The following AKT3 variants were observed in gnomAD, a reference collection of about 807,000 sequenced individuals.
AKT3 encodes RAC-gamma serine/threonine-protein kinase.
Under a neutral mutation model 65.3 loss-of-function variants are expected in AKT3, and 15 were observed. The ratio of observed to expected loss-of-function variants is 0.23; its 90% CI spans 0.15 to 0.35. The LOEUF (loss-of-function observed/expected upper bound fraction) is 0.35. Among genes scored for constraint, AKT3 ranks in the 10% least tolerant of loss-of-function variants. AKT3 has a pLI of 1.00. For missense variants in AKT3, 243 were observed against 576.5 expected, an observed-to-expected ratio of 0.42 and a Z score of 5.92; for synonymous variants, 206 against 183.8, an observed-to-expected ratio of 1.12 and a Z score of -0.98.
chr1:243,571,829 C>A (rs911471248), intron 9 of AKT3, among the ~76,000 whole-genome samples: 5 of 152,126 alleles, frequency 3.3e-5, no homozygotes, highest in Admixed American at 6.6e-5. Flanking sequence ...TAATCTTTAG[C>A]CCATTTTGGC....
chr1:243,770,557 T>C (rs568541921), intron 2 of AKT3, among the ~76,000 whole-genome samples: 2 of 152,170 alleles, frequency 1.3e-5, no homozygotes, highest in African/African-American at 4.8e-5. Flanking sequence ...GGCATGTATA[T>C]GTAAGCTCAA....
chr1:243,527,930 CACACACAGAG>C (rs1386493250), intron 12 of AKT3, among the ~76,000 whole-genome samples: 210 of 40,346 alleles, frequency 5.2e-3, no homozygotes, highest in African/African-American at 7.7e-3. Context: ...CACACACACA[CACACACAGAG>C]AGAGAGAGAG....
At chr1:243,692,030 T>C (rs538679927) in intron 3 of AKT3, among the ~76,000 whole-genome samples, 2 of 152,190 alleles carry the variant, frequency 1.3e-5, no homozygotes, top group African/African-American at 4.8e-5. Context: ...TGATCAACAG[T>C]ATAAAATGCA....
At chr1:243,719,542 G>C (rs1283037291) in intron 2 of AKT3, among the ~76,000 whole-genome samples, 1 of 152,168 alleles carries the variant, frequency 6.6e-6, no homozygotes, top group Non-Finnish European at 1.5e-5. Context: ...GAGTGTATCA[G>C]TGAAGGTAAT....
At chr1:243,551,938 A>AT (rs1461690208) in intron 11 of AKT3, among the ~76,000 whole-genome samples, 1 of 152,162 alleles carries the variant, frequency 6.6e-6, no homozygotes, top group Non-Finnish European at 1.5e-5. Context: ...GTGTACAATT[A>AT]TTTTTTGCCA....
Position 243,773,622 on chromosome 1 carries a change from C to T in AKT3, c.46+69503G>A, listed in dbSNP as rs549875502. ...CCTGGGCAACACAGTGAGACCCCAT[C>T]GCCCCCCACAAAAAAAAGTTTTATA... On this transcript the variant is annotated intron_variant, in intron 2 of 13. Coordinates refer to ENST00000673466, the MANE Select transcript of AKT3 (RefSeq NM_005465.7). Among the ~76,000 whole-genome samples the T allele has an allele frequency of 3.2e-4, 48 of 151,798 alleles. 1 individual carries two copies. Among genetic ancestry groups the T allele is most frequent in the East Asian group, 1.5e-3 (8 of 5,174 alleles).
At chr1:243,534,733 A>G (rs1671779220) in intron 12 of AKT3, among the ~76,000 whole-genome samples, 1 of 152,112 alleles carries the variant, frequency 6.6e-6, no homozygotes, top group South Asian at 2.1e-4. Context: ...AGACTAAACA[A>G]CACATTTCTA....
chr1:243,747,460 G>A (rs1688544787), intron 2 of AKT3, among the ~76,000 whole-genome samples: 1 of 151,968 alleles, frequency 6.6e-6, no homozygotes, highest in Non-Finnish European at 1.5e-5. Context: ...CAAAATTTGG[G>A]GAAAGTAAAA....
intron 3 of AKT3, among the ~76,000 whole-genome samples, chr1:243,681,641 A>G (rs933696894): frequency 1.3e-5 from 2 of 152,162 alleles, no homozygotes; most frequent in African/African-American, 4.8e-5. Flanking sequence ...GCATAGCACG[A>G]AAGTTCTATG....
chr1:243,623,439 G>C (rs1473326828), intron 6 of AKT3, among the ~76,000 whole-genome samples: 1 of 152,194 alleles, frequency 6.6e-6, no homozygotes, highest in Non-Finnish European at 1.5e-5. Flanking sequence ...TTCCAGAGGA[G>C]ACTGGAATGT....
At chr1:243,781,313 A>C (rs1466892163) in intron 2 of AKT3, among the ~76,000 whole-genome samples, 1 of 152,130 alleles carries the variant, frequency 6.6e-6, no homozygotes, top group South Asian at 2.1e-4. Context: ...TGAGTACTTA[A>C]GACTGTCTCC....
chr1:243,701,259 A>C (rs951489224), intron 2 of AKT3, among the ~76,000 whole-genome samples: 1 of 152,228 alleles, frequency 6.6e-6, no homozygotes, highest in African/African-American at 2.4e-5. Flanking sequence ...AATGGAAAAG[A>C]TCTTCAGAAA....
intron 2 of AKT3, among the ~76,000 whole-genome samples, chr1:243,796,858 G>A (rs528720593): frequency 3.3e-5 from 5 of 152,172 alleles, no homozygotes; most frequent in South Asian, 4.1e-4. Flanking sequence ...AAAACACTAC[G>A]CTAAGTGAAA....
At chr1:243,851,074 C>T, upstream of AKT3, 1 of 152,530 alleles carries the variant, frequency 6.6e-6, no homozygotes, top group Non-Finnish European at 1.5e-5. Flanking sequence ...GTGGGCGGTG[C>T]CCAATGAGGT....
At chr1:243,832,971 T>C (rs576027566) in intron 2 of AKT3, among the ~76,000 whole-genome samples, 37 of 152,270 alleles carry the variant, frequency 2.4e-4, no homozygotes, top group South Asian at 1.4e-3. Flanking sequence ...TATAAAGAAC[T>C]GCCTGAGGCC....
chr1:243,685,050 T>C (rs887982524), intron 3 of AKT3, among the ~76,000 whole-genome samples: 3 of 152,218 alleles, frequency 2.0e-5, no homozygotes, highest in East Asian at 1.9e-4. Flanking sequence ...TTCTGGATAT[T>C]AGCCCTTTGA....
intron 2 of AKT3, among the ~76,000 whole-genome samples, chr1:243,830,428 T>C (rs892866427): frequency 6.6e-6 from 1 of 152,124 alleles, no homozygotes; most frequent in East Asian, 1.9e-4. Context: ...TTATAATAAT[T>C]ATAAACATAA....
At chr1:243,539,435 G>A (rs1312366520) in intron 12 of AKT3, among the ~76,000 whole-genome samples, 1 of 151,930 alleles carries the variant, frequency 6.6e-6, no homozygotes, top group East Asian at 1.9e-4. Flanking sequence ...TTAAGGCTTC[G>A]TCAACAGTGG....
intron 4 of AKT3, among the ~76,000 whole-genome samples, chr1:243,659,644 G>A (rs1682123233): frequency 1.3e-5 from 2 of 152,056 alleles, no homozygotes; most frequent in Admixed American, 1.3e-4. Context: ...GAAAAAAATG[G>A]ATTATCTAAT....
Sources: gnomAD v4.1 joint callset for allele counts (sites outside exome capture counted in the v4.1 genomes callset) on GRCh38, gnomAD v4.1.1 for gene constraint, MANE v1.5 for transcripts, NCBI Gene and HGNC (gene_info 2026-07-23, HGNC 2026-07-21) for gene names.